Variants in ESR1 observed in about 807,000 individuals in gnomAD.
ESR1 encodes estrogen receptor 1.
ESR1 carries 12 observed loss-of-function variants against 52.7 expected under a neutral mutation model. That is an observed-to-expected ratio of 0.23 (90% confidence interval 0.15 to 0.37). The LOEUF (loss-of-function observed/expected upper bound fraction) is 0.37. ESR1 is among the 10% of genes least tolerant of loss of function. The probability of loss-of-function intolerance (pLI) is 1.00; values close to 1 mark genes in which losing one functional copy is unlikely to be tolerated. For synonymous variants in ESR1, 305 were observed against 316.8 expected, an observed-to-expected ratio of 0.96 and a Z score of 0.39; for missense variants, 584 against 779.7, an observed-to-expected ratio of 0.75 and a Z score of 2.99.
intron 1 of ESR1, among the ~76,000 whole-genome samples, chr6:151,835,395 G>A (rs1783158652): frequency 6.6e-6 from 1 of 152,180 alleles, no homozygotes; most frequent in Non-Finnish European, 1.5e-5. Flanking sequence ...ATGGCAGAGG[G>A]CTGAGGGCAG....
chr6:151,928,119 T>C (rs1005003621), intron 3 of ESR1, among the ~76,000 whole-genome samples: 7 of 152,216 alleles, frequency 4.6e-5, no homozygotes, highest in African/African-American at 1.7e-4. Flanking sequence ...ATCATGTTTC[T>C]GTTTTCAATT....
upstream of ESR1, chr6:151,807,593 G>A: frequency 2.0e-6 from 1 of 495,304 alleles, no homozygotes. Flanking sequence ...TCAGGGCAAG[G>A]CAACAGTCCC....
At chr6:151,882,313 T>A (rs1243011468) in intron 3 of ESR1, among the ~76,000 whole-genome samples, 1 of 152,162 alleles carries the variant, frequency 6.6e-6, no homozygotes, top group Non-Finnish European at 1.5e-5. Flanking sequence ...AGAGATGCAA[T>A]GTTGAATTTA....
intron 5 of ESR1, among the ~76,000 whole-genome samples, chr6:152,054,335 C>T (rs966063477): frequency 2.6e-5 from 4 of 152,064 alleles, no homozygotes; most frequent in African/African-American, 9.7e-5. Flanking sequence ...GTCTTTAAAT[C>T]CTTCCTTATT....
intron 6 of ESR1, among the ~76,000 whole-genome samples, chr6:152,074,196 T>C (rs2048555471): frequency 6.6e-6 from 1 of 152,178 alleles, no homozygotes; most frequent in African/African-American, 2.4e-5. Flanking sequence ...ACTATTGTAA[T>C]ATACAGAATA....
chr6:151,836,955 G>A (rs62442039), intron 1 of ESR1, among the ~76,000 whole-genome samples: 6,913 of 152,078 alleles, frequency 0.045, 169 homozygotes, highest in African/African-American at 0.071. Flanking sequence ...AGCTGGTATC[G>A]TTATTTATGG....
intron 2 of ESR1, among the ~76,000 whole-genome samples, chr6:151,785,899 T>C (rs1786976655): frequency 6.6e-6 from 1 of 152,216 alleles, no homozygotes; most frequent in South Asian, 2.1e-4. Context: ...GAGGGGTTAA[T>C]TATTCCTCTA....
At chr6:151,778,516 C>T (rs1235901660) in intron 2 of ESR1, among the ~76,000 whole-genome samples, 1 of 151,968 alleles carries the variant, frequency 6.6e-6, no homozygotes, top group Non-Finnish European at 1.5e-5. Context: ...AGCAATGCTC[C>T]TGCCTCAGCC....
At chr6:151,692,461 C>A (rs1025555322) in intron 1 of ESR1, among the ~76,000 whole-genome samples, 5 of 151,764 alleles carry the variant, frequency 3.3e-5, no homozygotes, top group Non-Finnish European at 7.4e-5. Flanking sequence ...ATTGGCTATT[C>A]GGAAAAAAGG....
intron 5 of ESR1, among the ~76,000 whole-genome samples, chr6:152,040,125 C>T (rs945281661): frequency 1.3e-5 from 2 of 152,146 alleles, no homozygotes; most frequent in East Asian, 1.9e-4. Flanking sequence ...GGCTGATCAC[C>T]CCGAGGAATG....
At chr6:151,682,981 A>G (rs1269715468) in intron 1 of ESR1, among the ~76,000 whole-genome samples, 2 of 152,216 alleles carry the variant, frequency 1.3e-5, no homozygotes, top group African/African-American at 2.4e-5. Context: ...TTTCTAAATG[A>G]TGACAGAAAA....
intron 4 of ESR1, among the ~76,000 whole-genome samples, chr6:151,968,749 G>A (rs142826882): frequency 6.6e-6 from 1 of 152,220 alleles, no homozygotes; most frequent in Admixed American, 6.5e-5. Flanking sequence ...AGCTGATCTG[G>A]TTCCGGGTCA....
intron 2 of ESR1, among the ~76,000 whole-genome samples, chr6:151,712,231 G>A (rs1780669382): frequency 6.6e-6 from 1 of 152,164 alleles, no homozygotes; most frequent in Middle Eastern, 3.2e-3. Flanking sequence ...GTACCATGCT[G>A]TTTTGGTTAC....
intron 2 of ESR1, among the ~76,000 whole-genome samples, chr6:151,876,122 T>A (rs548069838): frequency 2.9e-4 from 44 of 152,188 alleles, no homozygotes; most frequent in African/African-American, 1.0e-3. Flanking sequence ...TTGATCTGTG[T>A]GCCTGTGGTG....
At chr6:151,916,027 C>T (rs1260489189) in intron 3 of ESR1, among the ~76,000 whole-genome samples, 2 of 152,224 alleles carry the variant, frequency 1.3e-5, no homozygotes, top group African/African-American at 2.4e-5. Flanking sequence ...AGCAAAGGAT[C>T]CAGTTGGTAA....
chr6:151,740,123 C>CT (rs1304594014), intron 2 of ESR1, among the ~76,000 whole-genome samples: 8 of 150,116 alleles, frequency 5.3e-5, no homozygotes, highest in South Asian at 2.1e-4. Context: ...TCTTTCTTTT[C>CT]TTTTTTTTTG....
intron 3 of ESR1, among the ~76,000 whole-genome samples, chr6:151,928,268 C>T (rs79493611): frequency 1.3e-5 from 2 of 152,134 alleles, no homozygotes; most frequent in African/African-American, 4.8e-5. Context: ...TATCGCTTAG[C>T]CTAACCTCCC....
rs184581540 is a variant in ESR1, at chr6:151,956,402, C to T, written c.1096+11894C>T. The stretch of plus-strand genomic sequence containing the variant: ...ATGAGGAATATGAATACTGTTATTA[C>T]TCTCTGCCCATTTCACACATGAAGG... On this transcript the variant is annotated intron_variant, in intron 4 of 7. Coordinates refer to ENST00000206249, the MANE Select transcript of ESR1 (RefSeq NM_000125.4). Among the ~76,000 whole-genome samples the T allele has an allele frequency of 2.2e-4, 33 of 152,352 alleles. No homozygotes were observed. In the East Asian group the frequency reaches 4.1e-3, roughly 19 times the overall value.
intron 1 of ESR1, among the ~76,000 whole-genome samples, chr6:151,664,795 T>A (rs1185410076): frequency 2.0e-5 from 3 of 152,214 alleles, no homozygotes; most frequent in Non-Finnish European, 4.4e-5. Context: ...AAGAAAAATG[T>A]ATTGTGTCTG....
Sources: allele counts gnomAD v4.1 joint callset (sites outside exome capture counted in the v4.1 genomes callset), GRCh38; gene constraint gnomAD v4.1.1; transcripts MANE v1.5; gene names NCBI Gene and HGNC (gene_info 2026-07-23, HGNC 2026-07-21).